Variants in ASPH observed in about 807,000 individuals in gnomAD.
ASPH encodes aspartyl/asparaginyl beta-hydroxylase.
Under a neutral mutation model 118.4 loss-of-function variants are expected in ASPH, and 100 were observed. The ratio of observed to expected loss-of-function variants is 0.84; its 90% CI spans 0.72 to 1.00. The LOEUF is 1.00. Ranked by LOEUF, ASPH falls within the 50% of genes least tolerant of loss-of-function variation. The pLI is 0.00. For missense variants in ASPH, 920 were observed against 919.5 expected, an observed-to-expected ratio of 1.00 and a Z score of -0.01; for synonymous variants, 315 against 325.6, an observed-to-expected ratio of 0.97 and a Z score of 0.35.
At chr8:61,595,599 C>A (rs1044997442) in intron 14 of ASPH, among the ~76,000 whole-genome samples, 2 of 152,172 alleles carry the variant, frequency 1.3e-5, no homozygotes, top group Admixed American at 6.5e-5. Flanking sequence ...TTGTGAGAAA[C>A]TGTATATCAG....
intron 12 of ASPH, among the ~76,000 whole-genome samples, chr8:61,635,510 A>G (rs1857344725): frequency 6.6e-6 from 1 of 152,104 alleles, no homozygotes; most frequent in Non-Finnish European, 1.5e-5. Flanking sequence ...CCCAGAGTTA[A>G]AATGTCTGAT....
At chr8:61,509,097 A>C (rs1807806572) in intron 24 of ASPH, among the ~76,000 whole-genome samples, 1 of 152,098 alleles carries the variant, frequency 6.6e-6, no homozygotes, top group African/African-American at 2.4e-5. Flanking sequence ...GGGGTTTGTA[A>C]CTCAGATGAA....
At chr8:61,578,679 C>A (rs1587540263) in intron 15 of ASPH, 2 of 1,604,904 alleles carry the variant, frequency 1.2e-6, no homozygotes, top group East Asian at 4.5e-5. Context: ...GCTGGAGACT[C>A]TGGGCCAGGA....
intron 14 of ASPH, among the ~76,000 whole-genome samples, chr8:61,585,709 T>G (rs1839229155): frequency 6.6e-6 from 1 of 152,144 alleles, no homozygotes; most frequent in South Asian, 2.1e-4. Context: ...GGCACCTCTT[T>G]GTCACCTTTC....
intron 1 of ASPH, among the ~76,000 whole-genome samples, chr8:61,698,850 A>T (rs759248128): frequency 2.0e-5 from 3 of 152,256 alleles, no homozygotes; most frequent in Non-Finnish European, 4.4e-5. Context: ...GCTCTTACTA[A>T]ATAAATTAAT....
At position 61,638,321 on chromosome 8, in the gene ASPH, C is replaced by T. The variant is rs1306373030; in HGVS notation, c.832+1G>A. On this transcript the variant is annotated splice_donor_variant, in intron 11 of 24. Coordinates refer to ENST00000379454, the MANE Select transcript of ASPH (RefSeq NM_004318.4). LOFTEE classifies it high-confidence loss of function. ...AATATGTGCTTACAGAAAAAACTTA[C>T]CTGTGATTTCTATCCCTTCATTTTC... 1 of 1,598,990 alleles carries T rather than the reference C, an allele frequency of 6.3e-7. No homozygotes were observed. The highest frequency in any genetic ancestry group is 2.2e-5 in the East Asian group (1 of 44,730).
At chr8:61,574,701 G>T (rs566686447) in intron 16 of ASPH, among the ~76,000 whole-genome samples, 66 of 152,118 alleles carry the variant, frequency 4.3e-4, no homozygotes, top group African/African-American at 9.9e-4. Context: ...CCTGTCGGGT[G>T]GGGGGCTAGG....
intron 18 of ASPH, among the ~76,000 whole-genome samples, chr8:61,560,671 A>G (rs1302836478): frequency 3.3e-5 from 5 of 152,204 alleles, no homozygotes; most frequent in Non-Finnish European, 5.9e-5. Context: ...CCTATTATGC[A>G]TATTCAGATG....
intron 1 of ASPH, among the ~76,000 whole-genome samples, chr8:61,693,966 G>A (rs1245838258): frequency 6.6e-6 from 1 of 152,158 alleles, no homozygotes; most frequent in East Asian, 1.9e-4. Context: ...ACGGAATCAA[G>A]ATCAGGAACT....
chr8:61,540,436 C>T (rs1015699355), intron 21 of ASPH, among the ~76,000 whole-genome samples: 4 of 152,166 alleles, frequency 2.6e-5, no homozygotes, highest in African/African-American at 9.7e-5. Context: ...GTTCATGCTG[C>T]CATGTAAGCG....
At chr8:61,567,032 G>A in intron 17 of ASPH, 136 bp downstream of exon 17, 1 of 1,083,416 alleles carries the variant, frequency 9.2e-7, no homozygotes, top group Non-Finnish European at 1.3e-6. Flanking sequence ...GCCTAGGACA[G>A]ACACATTACT....
intron 3 of ASPH, among the ~76,000 whole-genome samples, chr8:61,674,706 A>T (rs1824383309): frequency 6.6e-6 from 1 of 152,236 alleles, no homozygotes; most frequent in Admixed American, 6.5e-5. Context: ...CTACAAGAGT[A>T]ATTCATAACA....
intron 14 of ASPH, among the ~76,000 whole-genome samples, chr8:61,596,725 A>G (rs761692834): frequency 1.3e-5 from 2 of 152,278 alleles, no homozygotes; most frequent in Non-Finnish European, 2.9e-5. Flanking sequence ...AGCATTATAG[A>G]TACTTCTACA....
intron 15 of ASPH, among the ~76,000 whole-genome samples, chr8:61,581,008 C>T (rs1319813294): frequency 5.9e-5 from 9 of 152,192 alleles, no homozygotes; most frequent in African/African-American, 1.7e-4. Flanking sequence ...GCTAAATGTA[C>T]TAATATCAGA....
At chr8:61,555,325 C>T (rs961419289) in intron 19 of ASPH, among the ~76,000 whole-genome samples, 7 of 151,890 alleles carry the variant, frequency 4.6e-5, no homozygotes, top group African/African-American at 1.7e-4. Context: ...CTCTGTTGCC[C>T]AGGCTGGTGT....
chr8:61,545,386 G>C (rs967866628), intron 21 of ASPH, among the ~76,000 whole-genome samples: 1 of 152,160 alleles, frequency 6.6e-6, no homozygotes, highest in Non-Finnish European at 1.5e-5. Flanking sequence ...ATAAGCCACC[G>C]AGTTTATGGC....
At chr8:61,633,793 C>G in intron 12 of ASPH, 66 bp from the exon 13 acceptor site, 1 of 1,080,856 alleles carries the variant, frequency 9.3e-7, no homozygotes, top group East Asian at 2.6e-5. Context: ...TATGCGTTGC[C>G]AGATTTAAGT....
At chr8:61,648,662 A>G (rs966414441) in intron 5 of ASPH, among the ~76,000 whole-genome samples, 7 of 152,194 alleles carry the variant, frequency 4.6e-5, no homozygotes, top group African/African-American at 1.7e-4. Context: ...ATTGAACACT[A>G]TCTTTGAGTC....
At chr8:61,533,095 TTTC>T (rs774591224) in intron 21 of ASPH, among the ~76,000 whole-genome samples, 45 of 151,428 alleles carry the variant, frequency 3.0e-4, no homozygotes, top group East Asian at 7.7e-4. Flanking sequence ...CATTTCTTCA[TTTC>T]TTCTTCTTTT....
Sources: allele counts gnomAD v4.1 joint callset (sites outside exome capture counted in the v4.1 genomes callset), GRCh38; gene constraint gnomAD v4.1.1; transcripts MANE v1.5; gene names NCBI Gene and HGNC (gene_info 2026-07-23, HGNC 2026-07-21).